PECAM1: variants seen among roughly 807,000 people sequenced by gnomAD.
PECAM1 encodes platelet endothelial cell adhesion molecule.
In PECAM1, 8 loss-of-function variants were observed where a neutral mutation model predicts 13.8. The observed-to-expected ratio is 0.58, with a 90% CI of 0.34 to 1.05. The LOEUF (loss-of-function observed/expected upper bound fraction) is 1.05. PECAM1 is among the 50% of genes least tolerant of loss of function. The probability of loss-of-function intolerance (pLI) is 0.03; values close to 1 mark genes in which losing one functional copy is unlikely to be tolerated. For missense variants in PECAM1, 304 were observed against 141.2 expected, an observed-to-expected ratio of 2.15 and a Z score of -5.84; for synonymous variants, 136 against 52.6, an observed-to-expected ratio of 2.58 and a Z score of -6.86.
chr17:64,321,891 G>C lies in PECAM1; in HGVS notation c.*1925C>G, dbSNP rs781794798. On this transcript the variant is annotated 3_prime_UTR_variant, in exon 16 of 16. Transcript: ENST00000563924. ...GTGGCAAGGGACTAAGGAACTCCCTGGACACAGGGGATCTGGCTGTCCCCA... is the reference window on the plus strand; with the variant it reads ...GTGGCAAGGGACTAAGGAACTCCCTCGACACAGGGGATCTGGCTGTCCCCA... 7.4e-7 allele frequency: 1 copy of C among 1,347,802 alleles called. No individual in the cohort carries two copies. The highest frequency in any genetic ancestry group is 9.8e-7 in the Non-Finnish European group (1 of 1,018,216). The allele number at this position is 1,347,802 out of a possible 1,614,324, so 83.5% of individuals were successfully genotyped here.
intron 15 of PECAM1, among the ~76,000 whole-genome samples, chr17:64,327,344 T>C (rs1024774980): frequency 2.0e-5 from 3 of 152,238 alleles, no homozygotes; most frequent in African/African-American, 7.2e-5. Flanking sequence ...CTTAAAATCC[T>C]AATAGGTTGC....
rs1051802889 is a variant in PECAM1 at position 64,376,847 on chromosome 17, G to A, written c.385+977C>T. Among the ~76,000 whole-genome samples the A allele has an allele frequency of 7.2e-5, 11 of 152,184 alleles. No individual in the cohort carries two copies. In the South Asian group the frequency reaches 1.2e-3, roughly 17 times the overall value. ...AAAAATTAGCCAGGCACAGTGGCGC[G>A]TGCCTGTAATCCCAGTTGCTTGGGA... is the stretch of plus-strand genomic sequence containing the variant. On this transcript the variant is annotated intron_variant, in intron 3 of 15. Transcript: ENST00000563924.
chr17:64,355,099 A>G, intron 8 of PECAM1, 59 bp from the exon 9 acceptor site: 1 of 456,120 alleles, frequency 2.2e-6, no homozygotes, highest in Non-Finnish European at 4.0e-6. Flanking sequence ...TCTGCCAGGA[A>G]GAAATAATAT....
At chr17:64,336,193 G>A (rs2035270246) in intron 14 of PECAM1, among the ~76,000 whole-genome samples, 2 of 151,940 alleles carry the variant, frequency 1.3e-5, no homozygotes. Flanking sequence ...TTGAACCCGG[G>A]AGCTGGAGGT....
At chr17:64,340,087 AG>A (rs1354393954) in intron 14 of PECAM1, among the ~76,000 whole-genome samples, 7 of 152,108 alleles carry the variant, frequency 4.6e-5, no homozygotes, top group Non-Finnish European at 1.0e-4. Flanking sequence ...TGTTGCACGG[AG>A]TTGCAGTCAG....
intron 5 of PECAM1, among the ~76,000 whole-genome samples, chr17:64,367,484 A>G: frequency 6.7e-6 from 1 of 148,584 alleles, no homozygotes; most frequent in Non-Finnish European, 1.5e-5. Context: ...CGGGAGGCGG[A>G]GGTTGCAGTG....
chr17:64,358,916 C>G (rs943842956), intron 7 of PECAM1, among the ~76,000 whole-genome samples: 38 of 151,894 alleles, frequency 2.5e-4, no homozygotes, highest in Non-Finnish European at 4.3e-4. Flanking sequence ...TGTGCCTCAG[C>G]CTCCCGAGTA....
At chr17:64,371,857 G>C (rs2036248805) in intron 4 of PECAM1, among the ~76,000 whole-genome samples, 1 of 151,836 alleles carries the variant, frequency 6.6e-6, no homozygotes, top group Admixed American at 6.6e-5. Flanking sequence ...TAAAATAAAG[G>C]GCTTGAACAA....
intron 14 of PECAM1, among the ~76,000 whole-genome samples, chr17:64,340,765 G>A (rs1190376906): frequency 2.0e-5 from 3 of 152,124 alleles, no homozygotes; most frequent in East Asian, 3.9e-4. Flanking sequence ...GAGCAGATCC[G>A]CAAACCCACA....
chr17:64,346,583 G>T (rs1376742884), intron 13 of PECAM1, among the ~76,000 whole-genome samples: 1 of 152,138 alleles, frequency 6.6e-6, no homozygotes, highest in African/African-American at 2.4e-5. Flanking sequence ...TGATCCACCT[G>T]CCTTGGCCTC....
rs1274174292 is a variant in PECAM1 at position 64,373,140 on chromosome 17, TAAATAAAA to T, written c.691+1903_691+1910del. On this transcript the variant is annotated intron_variant, in intron 4 of 15. Transcript: ENST00000563924. ...ATAAATAAATAAATAAATAAATAAA[TAAATAAAA>T]AAAAAAGAAAATGCACAAAACATCT... 1.2e-3 allele frequency among the ~76,000 whole-genome samples: 183 copies of T among 149,754 alleles called. 2 individuals carry two copies. The highest frequency in any genetic ancestry group is 4.4e-3 in the South Asian group (21 of 4,794).
chr17:64,370,630 G>A, intron 4 of PECAM1, among the ~76,000 whole-genome samples: 1 of 152,290 alleles, frequency 6.6e-6, no homozygotes, highest in East Asian at 1.9e-4. Context: ...CACTTAGGAA[G>A]CCCAGGAGTT....
At chr17:64,364,122 TA>T (rs2036048390) in intron 5 of PECAM1, among the ~76,000 whole-genome samples, 1 of 151,784 alleles carries the variant, frequency 6.6e-6, no homozygotes, top group Non-Finnish European at 1.5e-5. Context: ...ATACACGCAA[TA>T]AAAAATGATA....
At chr17:64,348,356 G>C in intron 12 of PECAM1, 34 bp from the exon 13 acceptor site, 1 of 474,262 alleles carries the variant, frequency 2.1e-6, no homozygotes, top group South Asian at 6.7e-5. Context: ...TTGTTGTTTA[G>C]GTGGAATCTC....
chr17:64,376,149 C>T (rs1214843548), intron 3 of PECAM1, among the ~76,000 whole-genome samples: 1 of 151,594 alleles, frequency 6.6e-6, no homozygotes, highest in African/African-American at 2.4e-5. Flanking sequence ...ATTAAAAATA[C>T]AAAAAATTAG....
At chr17:64,344,657 C>T (rs2035519149) in intron 13 of PECAM1, among the ~76,000 whole-genome samples, 1 of 152,084 alleles carries the variant, frequency 6.6e-6, no homozygotes, top group African/African-American at 2.4e-5. Context: ...AATGTACTCA[C>T]CACTGGCCTT....
At chr17:64,375,000 T>A (rs1057055826) in intron 4 of PECAM1, 51 bp downstream of exon 4, 2 of 461,726 alleles carry the variant, frequency 4.3e-6, no homozygotes, top group East Asian at 6.3e-5. Context: ...TTTCTCCCCA[T>A]ACCAAACCAG....
chr17:64,363,642 AT>A (rs1186563789), intron 5 of PECAM1, among the ~76,000 whole-genome samples: 13 of 152,182 alleles, frequency 8.5e-5, no homozygotes, highest in African/African-American at 2.9e-4. Context: ...AATGACAAGG[AT>A]TAGAAAAGTT....
intron 15 of PECAM1, 81 bp from the exon 16 acceptor site, chr17:64,323,926 G>A (rs782116023): frequency 3.8e-6 from 3 of 787,970 alleles, no homozygotes; most frequent in Non-Finnish European, 7.0e-6. Context: ...AATGCAAAAT[G>A]ACAGCACTTC....
Sources: allele counts gnomAD v4.1 joint callset (sites outside exome capture counted in the v4.1 genomes callset), GRCh38; gene constraint gnomAD v4.1.1; transcripts MANE v1.5; gene names NCBI Gene and HGNC (gene_info 2026-07-23, HGNC 2026-07-21).